Variants in PPP3CA observed in about 807,000 individuals in gnomAD.
PPP3CA encodes protein phosphatase 3 catalytic subunit alpha, also known as CAM-PRP catalytic subunit.
In PPP3CA, 14 loss-of-function variants were observed where a neutral mutation model predicts 66.5. The ratio of observed to expected loss-of-function variants is 0.21; its 90% CI spans 0.14 to 0.33. The LOEUF (loss-of-function observed/expected upper bound fraction) is 0.33. Among genes scored for constraint, PPP3CA ranks in the 10% least tolerant of loss-of-function variants. PPP3CA has a pLI of 1.00. For missense variants in PPP3CA, 317 were observed against 639.5 expected, an observed-to-expected ratio of 0.50 and a Z score of 5.44; for synonymous variants, 232 against 226.2, an observed-to-expected ratio of 1.03 and a Z score of -0.23.
intron 1 of PPP3CA, among the ~76,000 whole-genome samples, chr4:101,284,360 T>C (rs1411717861): frequency 2.0e-5 from 3 of 151,116 alleles, no homozygotes; most frequent in African/African-American, 7.4e-5. Context: ...CACAGAATCA[T>C]GGAATTTAAA....
chr4:101,242,224 C>T (rs967066148), intron 1 of PPP3CA, among the ~76,000 whole-genome samples: 2 of 152,004 alleles, frequency 1.3e-5, no homozygotes, highest in Admixed American at 6.6e-5. Context: ...CTAATGACTG[C>T]AATAAGCATC....
chr4:101,317,536 C>T (rs1298329213), intron 1 of PPP3CA, among the ~76,000 whole-genome samples: 1 of 151,974 alleles, frequency 6.6e-6, no homozygotes, highest in East Asian at 1.9e-4. Flanking sequence ...ACACAGATTT[C>T]CAAAGATCAT....
chr4:101,200,264 A>T (rs917326909), intron 1 of PPP3CA, among the ~76,000 whole-genome samples: 1 of 152,172 alleles, frequency 6.6e-6, no homozygotes, highest in Non-Finnish European at 1.5e-5. Context: ...TGGGATATGT[A>T]ACTTTTTAAA....
chr4:101,278,149 T>TAAAAAAAAAAAAAA (rs1200528599), intron 1 of PPP3CA, among the ~76,000 whole-genome samples: 13 of 119,490 alleles, frequency 1.1e-4, no homozygotes, highest in African/African-American at 5.0e-4. Flanking sequence ...ATAAAAAAAT[T>TAAAAAAAAAAAAAA]AAAAAGTTAT....
chr4:101,239,639 T>G (rs1726237173), intron 1 of PPP3CA, among the ~76,000 whole-genome samples: 1 of 151,908 alleles, frequency 6.6e-6, no homozygotes, highest in South Asian at 2.1e-4. Flanking sequence ...CTAAAAATGG[T>G]CATCATTTTA....
intron 3 of PPP3CA, among the ~76,000 whole-genome samples, chr4:101,100,708 A>G (rs1177709496): frequency 6.6e-6 from 1 of 152,186 alleles, no homozygotes; most frequent in Admixed American, 6.5e-5. Context: ...TAAAACCTGT[A>G]TTCCCAAAGT....
Position 101,091,862 on chromosome 4 carries a change from A to AATG in PPP3CA, c.782+1911_782+1913dup, listed in dbSNP as rs1553924353. Among the ~76,000 whole-genome samples the AATG allele has an allele frequency of 2.2e-5, 3 of 135,824 alleles. No individual in the cohort carries two copies. The East Asian group carries it at 6.0e-4, about 27-fold the overall frequency. The allele number at this position is 135,824 out of a possible 152,430, so 89.1% of individuals were successfully genotyped here. Reference sequence around the variant, plus strand: ...TAATAATAATAATAATAATAATAATAATGAAGAAGAGGAGGAGGAGGAGGA... The same window carrying AATG: ...TAATAATAATAATAATAATAATAATAATGATGAAGAAGAGGAGGAGGAGGAGGA... On this transcript the variant is annotated intron_variant, in intron 6 of 13. Transcript: ENST00000394854.
intron 1 of PPP3CA, among the ~76,000 whole-genome samples, chr4:101,333,103 C>CTTTTTT (rs66790132): frequency 1.1e-5 from 1 of 88,292 alleles, no homozygotes; most frequent in Non-Finnish European, 2.2e-5. Flanking sequence ...CATCTTCTTT[C>CTTTTTT]TTTTTTTTTT....
chr4:101,295,218 G>A (rs1041766908), intron 1 of PPP3CA, among the ~76,000 whole-genome samples: 7 of 149,840 alleles, frequency 4.7e-5, no homozygotes, highest in Admixed American at 3.3e-4. Context: ...GGAGAATGGC[G>A]TGAACCCGGG....
intron 8 of PPP3CA, among the ~76,000 whole-genome samples, chr4:101,073,279 CTT>C (rs749407027): frequency 1.4e-4 from 19 of 134,744 alleles, no homozygotes; most frequent in Admixed American, 1.5e-4. Flanking sequence ...CACTTACATA[CTT>C]TTTTTTTTTT....
At chr4:101,280,189 A>G (rs1727634368) in intron 1 of PPP3CA, among the ~76,000 whole-genome samples, 1 of 152,216 alleles carries the variant, frequency 6.6e-6, no homozygotes, top group South Asian at 2.1e-4. Context: ...GGCATGTCAA[A>G]TAAGCATTAG....
At chr4:101,318,143 G>A (rs1728936650) in intron 1 of PPP3CA, among the ~76,000 whole-genome samples, 1 of 152,120 alleles carries the variant, frequency 6.6e-6, no homozygotes, top group Non-Finnish European at 1.5e-5. Flanking sequence ...GAACACTGGA[G>A]TTGTATTTTT....
intron 1 of PPP3CA, among the ~76,000 whole-genome samples, chr4:101,214,269 T>C (rs1186122377): frequency 6.8e-6 from 1 of 146,526 alleles, no homozygotes; most frequent in Non-Finnish European, 1.5e-5. Context: ...GTAATTTATT[T>C]AATCCTACTA....
intron 2 of PPP3CA, among the ~76,000 whole-genome samples, chr4:101,184,744 T>C (rs1411483687): frequency 6.6e-6 from 1 of 152,156 alleles, no homozygotes; most frequent in Non-Finnish European, 1.5e-5. Context: ...CCTCACAAGA[T>C]TGCTCAACAG....
At chr4:101,158,212 G>C (rs569184011) in intron 2 of PPP3CA, 1 of 152,330 alleles carries the variant, frequency 6.6e-6, no homozygotes, top group South Asian at 2.1e-4. Flanking sequence ...CAATGACAAA[G>C]AGTCATCATC....
chr4:101,242,426 T>A (rs1206144595), intron 1 of PPP3CA, among the ~76,000 whole-genome samples: 5 of 151,858 alleles, frequency 3.3e-5, no homozygotes, highest in African/African-American at 1.2e-4. Flanking sequence ...AATACACAAG[T>A]CCTAAGGAGA....
chr4:101,118,598 A>G (rs1213341033), intron 2 of PPP3CA, among the ~76,000 whole-genome samples: 1 of 151,704 alleles, frequency 6.6e-6, no homozygotes, highest in Non-Finnish European at 1.5e-5. Context: ...GTTTGACCTT[A>G]GTCAATAAGT....
chr4:101,255,035 CA>C (rs1163406764), intron 1 of PPP3CA, among the ~76,000 whole-genome samples: 117 of 44,720 alleles, frequency 2.6e-3, no homozygotes, highest in Middle Eastern at 0.018. Flanking sequence ...AGTCCCGTCT[CA>C]AAAAAAAAAA....
In PPP3CA at chr4:101,346,229, T is replaced by C. The variant is rs1008806075; in HGVS notation, c.58+510A>G. 4.6e-5 allele frequency among the ~76,000 whole-genome samples: 7 copies of C among 151,616 alleles called. No homozygotes were observed. In the East Asian group the frequency reaches 1.4e-3, roughly 30 times the overall value. ...GGGGGCGCGGAGGGAATTGCTGCAA[T>C]GGAGCTCCAAGACAACCCTGCCCAA... On this transcript the variant is annotated intron_variant, in intron 1 of 13. Transcript: ENST00000394854.
Sources: allele counts gnomAD v4.1 joint callset (sites outside exome capture counted in the v4.1 genomes callset), GRCh38; gene constraint gnomAD v4.1.1; transcripts MANE v1.5; gene names NCBI Gene and HGNC (gene_info 2026-07-23, HGNC 2026-07-21).